GNPTAB: variants seen among roughly 807,000 people sequenced by gnomAD.
GNPTAB encodes N-acetylglucosamine-1-phosphotransferase subunits alpha/beta.
Under a neutral mutation model 136.6 loss-of-function variants are expected in GNPTAB, and 92 were observed. The ratio of observed to expected loss-of-function variants is 0.67; its 90% confidence interval spans 0.57 to 0.80. The LOEUF (loss-of-function observed/expected upper bound fraction) is 0.80. Among genes scored for constraint, GNPTAB ranks in the 30% least tolerant of loss-of-function variants. The pLI, the probability that GNPTAB is intolerant of heterozygous loss-of-function variation, is 0.00. For synonymous variants in GNPTAB, 512 were observed against 535.1 expected (o/e 0.96, Z 0.60); for missense variants, 1,343 against 1,501.8 (o/e 0.89, Z 1.75).
chr12:101,824,404 C>CTATATATATATATATATATATATA (rs1566102959), intron 1 of GNPTAB, among the ~76,000 whole-genome samples: 2 of 56,444 alleles, frequency 3.5e-5, no homozygotes, highest in African/African-American at 1.7e-4. Flanking sequence ...AGAAATTTCA[C>CTATATATATATATATATATATATA]CATATATATA....
chr12:101,802,141 T>C (rs1227525610), intron 1 of GNPTAB, among the ~76,000 whole-genome samples: 1 of 139,736 alleles, frequency 7.2e-6, no homozygotes, highest in East Asian at 2.1e-4. Flanking sequence ...GAGGCTGAAG[T>C]GAGCCATGAT....
intron 2 of GNPTAB, 193 bp downstream of exon 2, chr12:101,796,484 C>T (rs1009942310): frequency 1.5e-5 from 9 of 617,388 alleles, no homozygotes; most frequent in East Asian, 2.7e-5. Flanking sequence ...TTCTCTGTAT[C>T]GTTCCAGTTT....
At chr12:101,815,939 C>T (rs949737263) in intron 1 of GNPTAB, among the ~76,000 whole-genome samples, 1 of 152,120 alleles carries the variant, frequency 6.6e-6, no homozygotes, top group African/African-American at 2.4e-5. Context: ...CAAGAACATA[C>T]GATGGGGAAA....
chr12:101,790,045 G>C lies in GNPTAB; in HGVS notation c.216C>G (p.Pro72=). 2 of 1,614,076 alleles carry C rather than the reference G, an allele frequency of 1.2e-6. No homozygotes were observed. The highest frequency in any genetic ancestry group is 1.7e-6 in the Non-Finnish European group (2 of 1,179,966). Residue 72 remains proline (P), a synonymous_variant, in exon 3 of 21, where the codon CCC becomes CCG. Transcript: ENST00000299314. ...AGGTGTAAACAACGTCAATCGGCATGGGCAGACAAAGCCTAGGGCAAACCA... is the reference window on the plus strand; with the variant it reads ...AGGTGTAAACAACGTCAATCGGCATCGGCAGACAAAGCCTAGGGCAAACCA... ...GKSFQNRLCL[P]MPIDVVYTWV...
At position 101,746,855 on chromosome 12, in the gene GNPTAB, A is replaced by G. The variant is rs190881677; in HGVS notation, c.*309T>C. 62 of 321,624 alleles carry G rather than the reference A, an allele frequency of 1.9e-4. No homozygotes were observed. Among genetic ancestry groups the G allele is most frequent in the Non-Finnish European group, 3.2e-4 (55 of 171,216 alleles). 19.9% of individuals were successfully genotyped at this position (321,624 alleles called of 1,614,324 possible). A position where few individuals can be genotyped will look rare whatever the true frequency, so the allele number is the denominator to read the frequency against. On this transcript the variant is annotated 3_prime_UTR_variant, in exon 21 of 21. Coordinates refer to ENST00000299314, the MANE Select transcript of GNPTAB (RefSeq NM_024312.5). ...CTTCTCCTAATAAAGTTAGTCTGCA[A>G]TGATTGCTGTGGGAAATTAACAGCT...
At chr12:101,779,955 C>A in intron 7 of GNPTAB, 197 bp downstream of exon 7, 1 of 620,782 alleles carries the variant, frequency 1.6e-6, no homozygotes, top group South Asian at 1.9e-5. Flanking sequence ...ATCCAGGAAA[C>A]AAGCAAACCA....
intron 1 of GNPTAB, among the ~76,000 whole-genome samples, chr12:101,806,978 G>T (rs1869965107): frequency 6.6e-6 from 1 of 152,060 alleles, no homozygotes; most frequent in Non-Finnish European, 1.5e-5. Context: ...GACATTACAA[G>T]AAAGGAAACT....
intron 14 of GNPTAB, 39 bp from the exon 15 acceptor site, chr12:101,761,385 A>G (rs757451892): frequency 6.4e-7 from 1 of 1,572,962 alleles, no homozygotes; most frequent in East Asian, 2.2e-5. Context: ...TGGATATTCA[A>G]AGTATGTACC....
At chr12:101,772,008 T>C (rs960864303) in intron 7 of GNPTAB, among the ~76,000 whole-genome samples, 1 of 152,254 alleles carries the variant, frequency 6.6e-6, no homozygotes, top group Non-Finnish European at 1.5e-5. Flanking sequence ...TCGGCAGGAC[T>C]GCCTGAAGTG....
At chr12:101,756,998 G>T in intron 18 of GNPTAB, 1 of 513,404 alleles carries the variant, frequency 1.9e-6, no homozygotes, top group Non-Finnish European at 3.4e-6. Context: ...GTTATTAATA[G>T]AACCCAGTTC....
chr12:101,802,214 A>G (rs190465350), intron 1 of GNPTAB, among the ~76,000 whole-genome samples: 1,749 of 145,450 alleles, frequency 0.012, 29 homozygotes, highest in African/African-American at 0.041. Flanking sequence ...AAAAAAAAAA[A>G]AAAGAAAAGA....
chr12:101,827,744 C>T (rs957823862), intron 1 of GNPTAB, among the ~76,000 whole-genome samples: 3 of 152,164 alleles, frequency 2.0e-5, no homozygotes, highest in African/African-American at 7.2e-5. Flanking sequence ...GCAGGCGGAT[C>T]ACCTAAGGTC....
rs542928797 is a variant in GNPTAB at position 101,770,294 on chromosome 12, G to A, written c.1114-103C>T. 101 of 1,403,254 alleles carry A rather than the reference G, an allele frequency of 7.2e-5. No homozygotes were observed. The Admixed American group carries it at 1.1e-3, about 15-fold the overall frequency. 86.9% of individuals were successfully genotyped at this position (1,403,254 alleles called of 1,614,324 possible). A position where few individuals can be genotyped will look rare whatever the true frequency, so the allele number is the denominator to read the frequency against. On this transcript the variant is annotated intron_variant, in intron 9 of 20. Transcript: ENST00000299314. ...GGAAGGCAATGAAGAGCTAGAGAAA[G>A]GAAGAAATGGAGGTAGAAGGGTAAA...
chr12:101,818,375 T>C (rs1870613758), intron 1 of GNPTAB, among the ~76,000 whole-genome samples: 1 of 141,402 alleles, frequency 7.1e-6, no homozygotes, highest in Non-Finnish European at 1.5e-5. Context: ...TATATTTGTG[T>C]CTTTTTTTTT....
In GNPTAB at chr12:101,794,910, A is replaced by G. The variant is rs149697118; in HGVS notation, c.203+1767T>C. Among the ~76,000 whole-genome samples, 12 of 152,276 alleles carry G rather than the reference A, an allele frequency of 7.9e-5. No homozygotes were observed. In the East Asian group the frequency reaches 2.3e-3, roughly 29 times the overall value. On this transcript the variant is annotated intron_variant, in intron 2 of 20. Coordinates refer to ENST00000299314, the MANE Select transcript of GNPTAB (RefSeq NM_024312.5). Reference sequence around the variant, plus strand: ...AGTAAGACCTCATCTCTAAAAATAAATAATTAATTAATTTTTAAAATCAAT... The same window carrying G: ...AGTAAGACCTCATCTCTAAAAATAAGTAATTAATTAATTTTTAAAATCAAT...
chr12:101,809,952 A>G (rs558840661), intron 1 of GNPTAB, among the ~76,000 whole-genome samples: 169 of 152,350 alleles, frequency 1.1e-3, no homozygotes, highest in African/African-American at 4.0e-3. Flanking sequence ...TTTGCCAACT[A>G]TAACAAATGT....
intron 1 of GNPTAB, among the ~76,000 whole-genome samples, chr12:101,828,889 G>A (rs866922490): frequency 1.1e-4 from 17 of 152,206 alleles, no homozygotes; most frequent in African/African-American, 3.9e-4. Context: ...AATTAAGAGA[G>A]TGCCTGATAC....
intron 1 of GNPTAB, among the ~76,000 whole-genome samples, chr12:101,813,585 AT>A (rs61329942): frequency 0.098 from 14,979 of 152,256 alleles, 887 homozygotes; most frequent in Middle Eastern, 0.2. Flanking sequence ...AGTGGCTTAT[AT>A]TTGTATTTGC....
rs531225111 is a variant in GNPTAB at position 101,827,580 on chromosome 12, T to C, written c.117+2979A>G. Among the ~76,000 whole-genome samples the C allele has an allele frequency of 2.0e-5, 3 of 152,228 alleles. No homozygotes were observed. The South Asian group carries it at 6.2e-4, about 32-fold the overall frequency. On this transcript the variant is annotated intron_variant, in intron 1 of 20. Coordinates refer to ENST00000299314, the MANE Select transcript of GNPTAB (RefSeq NM_024312.5). ...TTCCCTCAATTCTACTTCTCGAAGT[T>C]TGGATGAATATAGAAAAGGCTTATC...
Sources: gnomAD v4.1 joint callset for allele counts (sites outside exome capture counted in the v4.1 genomes callset) on GRCh38, gnomAD v4.1.1 for gene constraint, MANE v1.5 for transcripts, NCBI Gene and HGNC (gene_info 2026-07-23, HGNC 2026-07-21) for gene names.